Variants in ABCA1 observed in about 807,000 individuals in gnomAD.
ABCA1 encodes the protein phospholipid-transporting ATPase ABCA1.
In ABCA1, 133 loss-of-function variants were observed where a neutral mutation model predicts 262.5. The observed-to-expected ratio is 0.51, with a 90% CI of 0.44 to 0.59. The LOEUF is 0.59. ABCA1 is among the 20% of genes least tolerant of loss of function. The pLI, the probability that ABCA1 is intolerant of heterozygous loss-of-function variation, is 0.00. For synonymous variants in ABCA1, 1,022 were observed against 1,043.5 expected (o/e 0.98, Z 0.40); for missense variants, 2,452 against 2,777.5 (o/e 0.88, Z 2.63).
chr9:104,829,314 T>C (rs976157624), intron 14 of ABCA1, among the ~76,000 whole-genome samples, 176 bp from the exon 15 acceptor site: 8 of 152,200 alleles, frequency 5.3e-5, no homozygotes, highest in Admixed American at 5.2e-4. Context: ...CAATGCAATG[T>C]AGAGAGAAAA....
At chr9:104,801,254 C>CT (rs1830310188) in intron 34 of ABCA1, among the ~76,000 whole-genome samples, 1 of 152,108 alleles carries the variant, frequency 6.6e-6, no homozygotes, top group African/African-American at 2.4e-5. Flanking sequence ...GAGTCTTGCT[C>CT]TGTCGCCCAG....
At position 104,847,862 on chromosome 9, in the gene ABCA1, G is replaced by A. The variant is rs1167443489; in HGVS notation, c.721-2293C>T. Among the ~76,000 whole-genome samples, 3 of 152,114 alleles carry A rather than the reference G, an allele frequency of 2.0e-5. 1 individual carries two copies. Among genetic ancestry groups the A allele is most frequent in the African/African-American group, 7.2e-5 (3 of 41,412 alleles). On this transcript the variant is annotated intron_variant, in intron 7 of 49. Coordinates refer to ENST00000374736, the MANE Select transcript of ABCA1 (RefSeq NM_005502.4). ...TGAAATATACATGATATGCATAATA[G>A]GTTGTGTATAGATATACTATATGCA...
At chr9:104,876,006 A>G (rs1176108805) in intron 5 of ABCA1, among the ~76,000 whole-genome samples, 4 of 152,228 alleles carry the variant, frequency 2.6e-5, no homozygotes, top group Non-Finnish European at 5.9e-5. Flanking sequence ...TGGTGTGGCC[A>G]TAACTTTGGA....
intron 5 of ABCA1, among the ~76,000 whole-genome samples, chr9:104,881,147 TAAAAG>T (rs538102467): frequency 4.5e-4 from 68 of 152,076 alleles, no homozygotes; most frequent in East Asian, 7.7e-4. Context: ...GGCTCTGTCT[TAAAAG>T]AAAAGAAAAG....
At chr9:104,886,980 A>C (rs1195513384) in intron 3 of ABCA1, among the ~76,000 whole-genome samples, 1 of 152,212 alleles carries the variant, frequency 6.6e-6, no homozygotes, top group Non-Finnish European at 1.5e-5. Flanking sequence ...TAAGGTTGCA[A>C]GAAGTGCATG....
In ABCA1 at chr9:104,786,308, G is replaced by A. The variant is rs1247912899; in HGVS notation, c.6391C>T (p.Leu2131=). The part of the protein sequence containing the change: ...RFRCLGSVQH[L]KNRFGDGYTI... ...AATTATCTTTATTACCTATTTTTTA[G>A]ATGCTGGACACTGCCAAGGCACCTG... The change falls in exon 48 of 50, where the codon CTA becomes TTA. Residue 2131 remains leucine, a synonymous_variant. Transcript: ENST00000374736. The A allele has an allele frequency of 6.2e-7, 1 of 1,613,474 alleles. No homozygotes were observed. Among genetic ancestry groups the A allele is most frequent in the Non-Finnish European group, 8.5e-7 (1 of 1,179,648 alleles).
intron 2 of ABCA1, among the ~76,000 whole-genome samples, chr9:104,892,649 G>A (rs1839850487): frequency 6.6e-6 from 1 of 152,166 alleles, no homozygotes; most frequent in African/African-American, 2.4e-5. Context: ...CTTTAAAAAT[G>A]TTTGGTGAGT....
At position 104,814,154 on chromosome 9, in the gene ABCA1, C is replaced by T. The variant is rs137854500; in HGVS notation, c.3865G>A (p.Asp1289Asn). ...TCAGAATCATTTGGATCAGCAGCAT[C>T]ATCTTCAGTGAACGGGCGAAGACAG... ...QSCLRPFTED[D>N]AADPNDSDID... The change falls in exon 27 of 50, where the codon GAT becomes AAT. Residue 1289 changes from aspartate to asparagine, a missense_variant. Asp to Asn is a conservative substitution (Grantham distance 23, BLOSUM62 1). Coordinates refer to ENST00000374736, the MANE Select transcript of ABCA1 (RefSeq NM_005502.4). 3.3e-5 allele frequency: 53 copies of T among 1,614,118 alleles called. No homozygotes were observed. In the East Asian group the frequency reaches 1.2e-3, roughly 35 times the overall value.
chr9:104,819,868 G>T (rs370373349), intron 21 of ABCA1, 59 bp downstream of exon 21: 4 of 1,608,916 alleles, frequency 2.5e-6, no homozygotes, highest in African/African-American at 2.7e-5. Flanking sequence ...ATTTTCCTCC[G>T]CATGTGTGTA....
Position 104,782,890 on chromosome 9 carries a change from G to C in ABCA1, c.*1425C>G, listed in dbSNP as rs1159110318. ...AGGCTGCCCAGTATTGTTACAGTGG[G>C]CTCCTACAACCACAAGACAACCTAT... is the stretch of plus-strand genomic sequence containing the variant. On this transcript the variant is annotated 3_prime_UTR_variant, in exon 50 of 50. Transcript: ENST00000374736. 1 of 151,402 alleles carries C rather than the reference G, an allele frequency of 6.6e-6. No individual in the cohort carries two copies. The highest frequency in any genetic ancestry group is 1.5e-5 in the Non-Finnish European group (1 of 67,898). 9.4% of individuals were successfully genotyped at this position (151,402 alleles called of 1,614,324 possible). A position where few individuals can be genotyped will look rare whatever the true frequency, so the allele number is the denominator to read the frequency against.
At chr9:104,857,789 T>C (rs1384109188) in intron 7 of ABCA1, among the ~76,000 whole-genome samples, 2 of 152,198 alleles carry the variant, frequency 1.3e-5, no homozygotes, top group Non-Finnish European at 2.9e-5. Flanking sequence ...AGAGAATCTA[T>C]CTGGTGAGTA....
chr9:104,814,090 GACAC>G, intron 27 of ABCA1, 24 bp downstream of exon 27: 1 of 1,584,508 alleles, frequency 6.3e-7, no homozygotes, highest in Non-Finnish European at 8.7e-7. Context: ...CAAACAGTAG[GACAC>G]TGTTTGATCT....
At chr9:104,891,255 A>C (rs1287253951) in intron 2 of ABCA1, among the ~76,000 whole-genome samples, 4 of 152,190 alleles carry the variant, frequency 2.6e-5, no homozygotes, top group African/African-American at 9.7e-5. Flanking sequence ...ATGGTTCTAC[A>C]TTAAACTCTT....
At chr9:104,798,278 C>T (rs1223013847) in intron 37 of ABCA1, 143 bp downstream of exon 37, 2 of 981,020 alleles carry the variant, frequency 2.0e-6, no homozygotes, top group Admixed American at 2.0e-5. Flanking sequence ...AAAGTGATCA[C>T]CTGCCTCTGG....
chr9:104,853,335 C>T (rs1282735356), intron 7 of ABCA1, among the ~76,000 whole-genome samples: 1 of 152,226 alleles, frequency 6.6e-6, no homozygotes, highest in Non-Finnish European at 1.5e-5. Flanking sequence ...AGAGCCCAAA[C>T]CTAGCTCATT....
chr9:104,906,772 A>G (rs1841177660), intron 1 of ABCA1, among the ~76,000 whole-genome samples: 1 of 151,192 alleles, frequency 6.6e-6, no homozygotes, highest in East Asian at 1.9e-4. Flanking sequence ...AAAAAAAGAT[A>G]TAAAAGAGAC....
intron 5 of ABCA1, among the ~76,000 whole-genome samples, chr9:104,864,783 T>C (rs1327139180): frequency 6.6e-6 from 1 of 151,440 alleles, no homozygotes; most frequent in Non-Finnish European, 1.5e-5. Flanking sequence ...ACCCCTGCAA[T>C]GGGCCTAGGT....
chr9:104,818,571 G>T, intron 23 of ABCA1, 92 bp downstream of exon 23: 2 of 1,247,344 alleles, frequency 1.6e-6, no homozygotes, highest in Non-Finnish European at 2.4e-6. Context: ...TTTCAACATG[G>T]CAAAAGGGGT....
intron 5 of ABCA1, among the ~76,000 whole-genome samples, chr9:104,862,694 C>CAGGGCA (rs1836706696): frequency 1.1e-4 from 1 of 8,938 alleles, no homozygotes; most frequent in African/African-American, 5.2e-4. Flanking sequence ...CGGGCCGGGC[C>CAGGGCA]GGGCCGGCCC....
Sources: gnomAD v4.1 joint callset for allele counts (sites outside exome capture counted in the v4.1 genomes callset) on GRCh38, gnomAD v4.1.1 for gene constraint, MANE v1.5 for transcripts, NCBI Gene and HGNC (gene_info 2026-07-23, HGNC 2026-07-21) for gene names.